The following ADRA1B variants were observed in gnomAD, a reference collection of about 807,000 sequenced individuals.
The protein encoded by ADRA1B is alpha-1B adrenergic receptor.
In ADRA1B, 17 loss-of-function variants were observed where a neutral mutation model predicts 17.9. That is an observed-to-expected ratio of 0.95 (90% CI 0.65 to 1.42). The LOEUF (loss-of-function observed/expected upper bound fraction) is 1.42, where lower values mean the gene tolerates loss of function less well. Among genes scored for constraint, ADRA1B ranks in the 40% most tolerant of loss-of-function variants. The pLI is 0.00. For synonymous variants in ADRA1B, 366 were observed against 327.6 expected (o/e 1.12, Z -1.27); for missense variants, 681 against 722.1 (o/e 0.94, Z 0.65).
chr5:159,909,291 G>A (rs1754201233), intron 1 of ADRA1B, among the ~76,000 whole-genome samples: 1 of 152,168 alleles, frequency 6.6e-6, no homozygotes, highest in South Asian at 2.1e-4. Flanking sequence ...CAATGGAGAT[G>A]AGAAGGCAGA....
intron 1 of ADRA1B, among the ~76,000 whole-genome samples, chr5:159,886,636 G>T (rs1025664744): frequency 1.3e-5 from 2 of 152,142 alleles, no homozygotes; most frequent in African/African-American, 4.8e-5. Flanking sequence ...GACCTCATAG[G>T]CCTTGGATTG....
chr5:159,967,586 GCTAATTAA>G (rs1325596314), intron 1 of ADRA1B, among the ~76,000 whole-genome samples: 3 of 152,158 alleles, frequency 2.0e-5, no homozygotes, highest in Admixed American at 6.5e-5. Context: ...GGCTGAGATG[GCTAATTAA>G]CTCTTCTAAA....
At chr5:159,914,641 G>A (rs1754260566), upstream of ADRA1B, among the ~76,000 whole-genome samples, 1 of 152,142 alleles carries the variant, frequency 6.6e-6, no homozygotes, top group African/African-American at 2.4e-5. Context: ...GCACTTTGCT[G>A]GGAGTAAATT....
intron 1 of ADRA1B, chr5:159,948,471 T>C (rs557839075): frequency 4.1e-6 from 4 of 982,934 alleles, no homozygotes; most frequent in Middle Eastern, 5.2e-4. Context: ...AAAGTAACTT[T>C]TACTGGGTTA....
downstream of ADRA1B, among the ~76,000 whole-genome samples, chr5:159,976,745 A>T (rs1755979193): frequency 6.6e-6 from 1 of 152,224 alleles, no homozygotes; most frequent in African/African-American, 2.4e-5. Flanking sequence ...ATTTAATAAA[A>T]GTTATGGAAC....
Position 159,971,463 on chromosome 5 carries a change from T to C in ADRA1B, c.950-416T>C, listed in dbSNP as rs557872071. Among the ~76,000 whole-genome samples the C allele has an allele frequency of 9.8e-5, 15 of 152,342 alleles. 1 individual carries two copies. The South Asian group carries it at 2.7e-3, about 27-fold the overall frequency. ...ACCTTCTGTTTTCCACGGAAACAAG[T>C]CGGCATCTACTTCATGACGTTTTGT... On this transcript the variant is annotated intron_variant, in intron 1 of 1. Coordinates refer to ENST00000306675, the MANE Select transcript of ADRA1B (RefSeq NM_000679.4).
At chr5:159,951,280 TG>T in intron 1 of ADRA1B, 1 of 1,275,290 alleles carries the variant, frequency 7.8e-7, no homozygotes, top group Non-Finnish European at 1.1e-6. Context: ...AAGATGGTGA[TG>T]GGATTTCCAT....
chr5:159,975,582 A>G (rs148767499), downstream of ADRA1B, among the ~76,000 whole-genome samples: 304 of 152,328 alleles, frequency 2.0e-3, 2 homozygotes, highest in African/African-American at 6.9e-3. Context: ...AGTTCTGATG[A>G]TCTCATTCAT....
chr5:159,865,128 G>T (rs1370545321), exon 1 of ADRA1B: 1 of 152,210 alleles, frequency 6.6e-6, no homozygotes, highest in African/African-American at 2.4e-5. Context: ...GTTGATCATA[G>T]TGTGCTGTCA....
downstream of ADRA1B, among the ~76,000 whole-genome samples, chr5:159,975,160 C>A (rs1283531911): frequency 6.6e-6 from 1 of 152,192 alleles, no homozygotes; most frequent in Non-Finnish European, 1.5e-5. Flanking sequence ...AATCTTCTAA[C>A]AAATCTTACG....
rs1753698611 is a variant in ADRA1B, at chr5:159,868,837, T to C, written c.-256+3631T>C. 2.6e-5 allele frequency: 4 copies of C among 152,280 alleles called. No homozygotes were observed. The South Asian group carries it at 8.3e-4, about 32-fold the overall frequency. The allele number at this position is 152,280 out of a possible 1,614,324, so 9.4% of individuals were successfully genotyped here. A position where few individuals can be genotyped will look rare whatever the true frequency, so the allele number is the denominator to read the frequency against. ...CCAACACTATTTTGACCACAGTCAA[T>C]ATACTGAAAAGGACCAGAGGGCAGG... On this transcript the variant is annotated intron_variant, in intron 1 of 2. Transcript: ENST00000641205.
At chr5:159,899,887 G>A (rs1156607084) in intron 1 of ADRA1B, among the ~76,000 whole-genome samples, 1 of 152,202 alleles carries the variant, frequency 6.6e-6, no homozygotes, top group Non-Finnish European at 1.5e-5. Flanking sequence ...TAGACCACAA[G>A]ATTCCCAGAA....
intron 1 of ADRA1B, among the ~76,000 whole-genome samples, chr5:159,920,971 C>G (rs6880583): frequency 0.014 from 2,189 of 152,208 alleles, 52 homozygotes; most frequent in African/African-American, 0.051. Context: ...TTTCAGGTGC[C>G]AGGATGGCAC....
chr5:159,870,711 G>C (rs1395085828), intron 1 of ADRA1B: 1 of 152,192 alleles, frequency 6.6e-6, no homozygotes, highest in Non-Finnish European at 1.5e-5. Context: ...TCTAAGCAAA[G>C]TGAACGCAAA....
intron 1 of ADRA1B, among the ~76,000 whole-genome samples, chr5:159,953,329 GC>G (rs1203638718): frequency 6.6e-6 from 1 of 152,118 alleles, no homozygotes; most frequent in East Asian, 1.9e-4. Flanking sequence ...CCGCACTCTA[GC>G]CTGGGCAACA....
chr5:159,924,082 T>C (rs1380776565), intron 1 of ADRA1B, among the ~76,000 whole-genome samples: 1 of 152,264 alleles, frequency 6.6e-6, no homozygotes, highest in East Asian at 1.9e-4. Context: ...CTCCAACATT[T>C]GTCTGAGATC....
At chr5:159,928,115 G>T (rs1040539308) in intron 1 of ADRA1B, among the ~76,000 whole-genome samples, 3 of 152,194 alleles carry the variant, frequency 2.0e-5, no homozygotes, top group African/African-American at 7.2e-5. Context: ...GCTAAAAGGT[G>T]CCATCTGAAT....
chr5:159,957,300 T>G (rs1355533775), intron 1 of ADRA1B, among the ~76,000 whole-genome samples: 3 of 151,962 alleles, frequency 2.0e-5, no homozygotes, highest in Non-Finnish European at 2.9e-5. Flanking sequence ...GCCCAGGAGT[T>G]TGAGACCAGC....
intron 1 of ADRA1B, among the ~76,000 whole-genome samples, chr5:159,927,278 G>A (rs1754682651): frequency 6.6e-6 from 1 of 151,918 alleles, no homozygotes; most frequent in South Asian, 2.1e-4. Context: ...GCAGAAGCAG[G>A]AAAAGAGGAA....
Sources: gnomAD v4.1 joint callset for allele counts (sites outside exome capture counted in the v4.1 genomes callset) on GRCh38, gnomAD v4.1.1 for gene constraint, MANE v1.5 for transcripts, NCBI Gene and HGNC (gene_info 2026-07-23, HGNC 2026-07-21) for gene names.